CACNG2: variants seen among roughly 807,000 people sequenced by gnomAD.
The protein encoded by CACNG2 is voltage-dependent calcium channel gamma-2 subunit.
CACNG2 carries 3 observed loss-of-function variants against 25.9 expected under a neutral mutation model. The ratio of observed to expected loss-of-function variants is 0.12; its 90% CI spans 0.05 to 0.30. The LOEUF (loss-of-function observed/expected upper bound fraction) is 0.30. Ranked by LOEUF, CACNG2 falls within the 10% of genes least tolerant of loss-of-function variation. The pLI, the probability that CACNG2 is intolerant of heterozygous loss-of-function variation, is 1.00. For synonymous variants in CACNG2, 167 were observed against 173.3 expected, an observed-to-expected ratio of 0.96 and a Z score of 0.29; for missense variants, 341 against 432.5, an observed-to-expected ratio of 0.79 and a Z score of 1.88.
At chr22:36,697,472 G>T (rs1015015195) in intron 1 of CACNG2, among the ~76,000 whole-genome samples, 3 of 152,188 alleles carry the variant, frequency 2.0e-5, no homozygotes, top group African/African-American at 4.8e-5. Flanking sequence ...AATGTAGCCC[G>T]ATGAGTCATA....
intron 1 of CACNG2, among the ~76,000 whole-genome samples, chr22:36,673,549 G>A (rs1569048124): frequency 1.3e-5 from 2 of 152,128 alleles, no homozygotes; most frequent in Non-Finnish European, 2.9e-5. Context: ...TCAGTGCAAA[G>A]CACCATCAGG....
intron 1 of CACNG2, among the ~76,000 whole-genome samples, chr22:36,663,640 C>T (rs562467960): frequency 6.6e-6 from 1 of 152,192 alleles, no homozygotes; most frequent in Non-Finnish European, 1.5e-5. Context: ...GGGCCTCTCC[C>T]ACAAGCTGTG....
At chr22:36,686,361 T>G (rs907446133) in intron 1 of CACNG2, among the ~76,000 whole-genome samples, 1 of 152,186 alleles carries the variant, frequency 6.6e-6, no homozygotes, top group Non-Finnish European at 1.5e-5. Flanking sequence ...CTTGGTGCTG[T>G]TTCAGGCTTC....
intron 2 of CACNG2, among the ~76,000 whole-genome samples, chr22:36,567,221 C>T (rs752506125): frequency 5.9e-5 from 9 of 152,190 alleles, no homozygotes; most frequent in Non-Finnish European, 8.8e-5. Context: ...AGGCAATGCA[C>T]TTAGATAAGT....
chr22:36,596,291 C>T lies in CACNG2; in HGVS notation c.212-8743G>A, dbSNP rs183177054. On this transcript the variant is annotated intron_variant, in intron 1 of 3. Transcript: ENST00000300105. ...CAATACCTCCCTGACGGCAGGGATT[C>T]GGGAGGCCTCAGGGAGGGTGGGCCA... 2.9e-4 allele frequency among the ~76,000 whole-genome samples: 44 copies of T among 152,250 alleles called. No individual in the cohort carries two copies. The East Asian group carries it at 3.1e-3, about 11-fold the overall frequency.
chr22:36,693,385 C>T (rs1937291911), intron 1 of CACNG2, among the ~76,000 whole-genome samples: 1 of 152,176 alleles, frequency 6.6e-6, no homozygotes, highest in Non-Finnish European at 1.5e-5. Flanking sequence ...CCTTTACTCT[C>T]TGTTTACTAT....
Position 36,609,305 on chromosome 22 carries a change from C to CGCAGAGCAT in CACNG2, c.212-21766_212-21758dup, listed in dbSNP as rs546722128. Among the ~76,000 whole-genome samples, 8 of 146,476 alleles carry CGCAGAGCAT rather than the reference C, an allele frequency of 5.5e-5. No individual in the cohort carries two copies. In the South Asian group the frequency reaches 1.8e-3, roughly 33 times the overall value. ...AGTGTGATCGGGCAGGAATCTGCCC[C>CGCAGAGCAT]GCAGAGCATGATTGAGCAGGAATCA... On this transcript the variant is annotated intron_variant, in intron 1 of 3. Transcript: ENST00000300105.
chr22:36,615,966 C>T (rs574597754), intron 1 of CACNG2, among the ~76,000 whole-genome samples: 2 of 152,268 alleles, frequency 1.3e-5, no homozygotes, highest in African/African-American at 2.4e-5. Flanking sequence ...ATTATTCAAC[C>T]ACACACGTGG....
chr22:36,625,318 C>T (rs898747167), intron 1 of CACNG2, among the ~76,000 whole-genome samples: 3 of 152,152 alleles, frequency 2.0e-5, no homozygotes, highest in Admixed American at 1.3e-4. Flanking sequence ...TCATTTCAAT[C>T]GAGGGTTGGA....
intron 1 of CACNG2, among the ~76,000 whole-genome samples, chr22:36,613,899 T>C (rs75001196): frequency 0.041 from 6,234 of 152,130 alleles, 209 homozygotes; most frequent in Middle Eastern, 0.085. Context: ...TTTCTACCTC[T>C]TCATCTCCAC....
intron 2 of CACNG2, among the ~76,000 whole-genome samples, chr22:36,580,990 C>T (rs1296489151): frequency 6.6e-6 from 1 of 152,164 alleles, no homozygotes; most frequent in Non-Finnish European, 1.5e-5. Flanking sequence ...CAGACTCATG[C>T]CCTCATGCAC....
intron 1 of CACNG2, among the ~76,000 whole-genome samples, chr22:36,625,308 T>C (rs959655160): frequency 6.6e-6 from 1 of 152,214 alleles, no homozygotes; most frequent in Non-Finnish European, 1.5e-5. Context: ...TCTCTGGGCC[T>C]CATTTCAATC....
chr22:36,662,696 C>T (rs1161363371), intron 1 of CACNG2, among the ~76,000 whole-genome samples: 1 of 152,190 alleles, frequency 6.6e-6, no homozygotes, highest in East Asian at 1.9e-4. Flanking sequence ...GTGTGTTCAC[C>T]TACATAATAA....
intron 2 of CACNG2, among the ~76,000 whole-genome samples, chr22:36,586,576 A>G (rs932095354): frequency 6.6e-6 from 1 of 152,194 alleles, no homozygotes; most frequent in African/African-American, 2.4e-5. Context: ...GGCAATCTAT[A>G]TAATAAAATG....
At chr22:36,634,334 A>G (rs2145960885) in intron 1 of CACNG2, among the ~76,000 whole-genome samples, 1 of 152,298 alleles carries the variant, frequency 6.6e-6, no homozygotes, top group Admixed American at 6.5e-5. Context: ...ATGATCTGCC[A>G]TGATTTTTCT....
At chr22:36,578,814 T>A (rs1935366909) in intron 2 of CACNG2, among the ~76,000 whole-genome samples, 1 of 152,054 alleles carries the variant, frequency 6.6e-6, no homozygotes, top group Non-Finnish European at 1.5e-5. Context: ...CTCTCCTGGG[T>A]CTGATCCTGG....
intron 1 of CACNG2, among the ~76,000 whole-genome samples, chr22:36,682,121 G>A (rs765524819): frequency 9.9e-5 from 15 of 152,224 alleles, no homozygotes; most frequent in African/African-American, 2.7e-4. Context: ...GGAATGCTAC[G>A]AGACAGCTCA....
chr22:36,595,451 A>C (rs1197859083), intron 1 of CACNG2, among the ~76,000 whole-genome samples: 1 of 152,134 alleles, frequency 6.6e-6, no homozygotes, highest in Non-Finnish European at 1.5e-5. Flanking sequence ...CAAGTTCCCC[A>C]CCTCCAGCCC....
chr22:36,638,467 A>G (rs1936393157), intron 1 of CACNG2, among the ~76,000 whole-genome samples: 1 of 152,028 alleles, frequency 6.6e-6, no homozygotes, highest in Non-Finnish European at 1.5e-5. Flanking sequence ...TACTTTCTGG[A>G]AGGCTCTAAG....
Sources: allele counts gnomAD v4.1 joint callset (sites outside exome capture counted in the v4.1 genomes callset), GRCh38; gene constraint gnomAD v4.1.1; transcripts MANE v1.5; gene names NCBI Gene and HGNC (gene_info 2026-07-23, HGNC 2026-07-21).